SHLD1: variants seen among roughly 807,000 people sequenced by gnomAD.
The protein encoded by SHLD1 is RINN1-REV7-interacting novel NHEJ regulator 3.
SHLD1 carries 3 observed loss-of-function variants against 5.5 expected under a neutral mutation model. That is an observed-to-expected ratio of 0.54 (90% CI 0.25 to 1.40). The LOEUF is 1.40. Among genes scored for constraint, SHLD1 ranks in the 40% most tolerant of loss-of-function variants. The pLI is 0.15. For synonymous variants in SHLD1, 92 were observed against 94.3 expected (o/e 0.98, Z 0.14); for missense variants, 210 against 244.4 (o/e 0.86, Z 0.94).
intron 2 of SHLD1, among the ~76,000 whole-genome samples, chr20:5,827,800 A>T (rs894487949): frequency 3.9e-5 from 6 of 152,172 alleles, no homozygotes; most frequent in Admixed American, 2.6e-4. Flanking sequence ...TTCGACACGT[A>T]CTTCATTACA....
At chr20:5,782,214 C>T (rs2086997901) in intron 2 of SHLD1, among the ~76,000 whole-genome samples, 1 of 152,172 alleles carries the variant, frequency 6.6e-6, no homozygotes, top group African/African-American at 2.4e-5. Context: ...TGCTGCTTGG[C>T]TCAAGGGAAG....
At chr20:5,759,546 AT>A (rs1568487547) in intron 1 of SHLD1, among the ~76,000 whole-genome samples, 1 of 151,702 alleles carries the variant, frequency 6.6e-6, no homozygotes, top group South Asian at 2.1e-4. Flanking sequence ...CGGTCTAAAA[AT>A]TTTTTAGACA....
chr20:5,761,678 G>C (rs1039409872), intron 1 of SHLD1, among the ~76,000 whole-genome samples: 6 of 150,872 alleles, frequency 4.0e-5, no homozygotes, highest in African/African-American at 1.5e-4. Flanking sequence ...TGTGATATCG[G>C]CTCACTGCAA....
At chr20:5,789,758 T>C (rs1362442345) in intron 2 of SHLD1, among the ~76,000 whole-genome samples, 1 of 152,060 alleles carries the variant, frequency 6.6e-6, no homozygotes, top group Non-Finnish European at 1.5e-5. Flanking sequence ...GTGAATTAGT[T>C]TGGGGCCCCA....
At chr20:5,853,313 G>A (rs1568532284) in intron 2 of SHLD1, among the ~76,000 whole-genome samples, 1 of 152,134 alleles carries the variant, frequency 6.6e-6, no homozygotes, top group South Asian at 2.1e-4. Context: ...GGGTGTGATG[G>A]TGCACGCCTG....
At chr20:5,822,220 G>GC (rs2087614000) in intron 2 of SHLD1, among the ~76,000 whole-genome samples, 2 of 152,194 alleles carry the variant, frequency 1.3e-5, no homozygotes, top group Admixed American at 6.5e-5. Flanking sequence ...CACTTTGGGA[G>GC]CCCAAGGCGG....
At chr20:5,798,781 C>G (rs2087249396) in intron 2 of SHLD1, among the ~76,000 whole-genome samples, 1 of 150,440 alleles carries the variant, frequency 6.6e-6, no homozygotes, top group Non-Finnish European at 1.5e-5. Context: ...CCGTGCCCGG[C>G]TAATTTTTTT....
intron 2 of SHLD1, among the ~76,000 whole-genome samples, chr20:5,830,610 C>A (rs1041266784): frequency 1.3e-5 from 2 of 151,614 alleles, no homozygotes; most frequent in Non-Finnish European, 2.9e-5. Flanking sequence ...ATTGCTTGAA[C>A]CCAGGAGGCA....
At chr20:5,807,104 CTT>C (rs2087388832) in intron 2 of SHLD1, among the ~76,000 whole-genome samples, 2 of 152,216 alleles carry the variant, frequency 1.3e-5, no homozygotes, top group Admixed American at 1.3e-4. Context: ...GTACGCCTCT[CTT>C]GTGCTGGGCT....
chr20:5,785,081 C>T (rs1047792449), intron 2 of SHLD1, among the ~76,000 whole-genome samples: 1 of 152,144 alleles, frequency 6.6e-6, no homozygotes, highest in African/African-American at 2.4e-5. Flanking sequence ...TCTTAAAATA[C>T]AAGGAAACAA....
At chr20:5,789,082 C>T (rs1188968493) in intron 2 of SHLD1, among the ~76,000 whole-genome samples, 1 of 150,420 alleles carries the variant, frequency 6.6e-6, no homozygotes, top group Non-Finnish European at 1.5e-5. Flanking sequence ...GAGCTGAGAT[C>T]GAGCCACTGC....
intron 2 of SHLD1, among the ~76,000 whole-genome samples, chr20:5,860,876 TAAAAAAAAAAAAAAAA>T (rs10555301): frequency 6.0e-5 from 6 of 100,780 alleles, no homozygotes; most frequent in African/African-American, 1.8e-4. Flanking sequence ...TACTATTCTT[TAAAAAAAAAAAAAAAA>T]AAAAAAAAAA....
At chr20:5,775,508 A>AAAAT (rs1288530479) in intron 2 of SHLD1, among the ~76,000 whole-genome samples, 2 of 152,210 alleles carry the variant, frequency 1.3e-5, no homozygotes, top group Non-Finnish European at 2.9e-5. Context: ...CAGCTCTAAA[A>AAAAT]ATAAGGAGCA....
intron 1 of SHLD1, among the ~76,000 whole-genome samples, chr20:5,751,903 G>A (rs1248210335): frequency 6.6e-6 from 1 of 152,184 alleles, no homozygotes; most frequent in East Asian, 1.9e-4. Context: ...ATATGTCCAA[G>A]GGTGGTCTTA....
In SHLD1 at chr20:5,855,843, A is replaced by G. The variant is rs1055238915; in HGVS notation, c.179-7181A>G. On this transcript the variant is annotated intron_variant, in intron 2 of 2. Coordinates refer to ENST00000303142, the MANE Select transcript of SHLD1 (RefSeq NM_152504.4). The surrounding 1 kb of genome is among the most constrained non-coding windows in gnomAD (Gnocchi z 4.4). ...GCCTCTCCCTACAGGATATTCTTTCATCCTCATCCTTTTGAAATCAGGCTT... is the reference window on the plus strand; with the variant it reads ...GCCTCTCCCTACAGGATATTCTTTCGTCCTCATCCTTTTGAAATCAGGCTT... 6.6e-6 allele frequency among the ~76,000 whole-genome samples: 1 copy of G among 152,210 alleles called. No homozygotes were observed. Among genetic ancestry groups the G allele is most frequent in the Non-Finnish European group, 1.5e-5 (1 of 68,036 alleles).
intron 2 of SHLD1, among the ~76,000 whole-genome samples, chr20:5,814,182 C>T (rs6085284): frequency 1.3e-5 from 2 of 151,898 alleles, no homozygotes; most frequent in South Asian, 4.2e-4. Context: ...TCTTGAACTC[C>T]TGAGCTCAAG....
intron 2 of SHLD1, among the ~76,000 whole-genome samples, chr20:5,824,741 A>G (rs1301402603): frequency 6.6e-6 from 1 of 151,964 alleles, no homozygotes; most frequent in Non-Finnish European, 1.5e-5. Context: ...AAAATCTCCA[A>G]TTTTCTGTAA....
At chr20:5,820,925 G>T (rs150698693) in intron 2 of SHLD1, among the ~76,000 whole-genome samples, 29 of 152,292 alleles carry the variant, frequency 1.9e-4, no homozygotes, top group Non-Finnish European at 3.5e-4. Flanking sequence ...GCTACACAAA[G>T]AATTTCCAGC....
chr20:5,816,655 T>C (rs1056464925), intron 2 of SHLD1, among the ~76,000 whole-genome samples: 2 of 152,256 alleles, frequency 1.3e-5, no homozygotes, highest in Non-Finnish European at 2.9e-5. Flanking sequence ...ATATTTTTTC[T>C]GTGATTCTGC....
Sources: allele counts gnomAD v4.1 joint callset (sites outside exome capture counted in the v4.1 genomes callset), GRCh38; gene constraint gnomAD v4.1.1; non-coding constraint Gnocchi (gnomAD v3.1); transcripts MANE v1.5; gene names NCBI Gene and HGNC (gene_info 2026-07-23, HGNC 2026-07-21).